EYA1: variants seen among roughly 807,000 people sequenced by gnomAD.
EYA1 encodes the protein EYA transcriptional coactivator and phosphatase 1.
In EYA1, 16 loss-of-function variants were observed where a neutral mutation model predicts 82.0. The observed-to-expected ratio is 0.20, with a 90% CI of 0.13 to 0.30. EYA1 has a LOEUF of 0.30. Among genes scored for constraint, EYA1 ranks in the 10% least tolerant of loss-of-function variants. EYA1 has a pLI of 1.00. For synonymous variants in EYA1, 261 were observed against 264.4 expected, an observed-to-expected ratio of 0.99 and a Z score of 0.12; for missense variants, 633 against 730.7, an observed-to-expected ratio of 0.87 and a Z score of 1.54.
intron 2 of EYA1, among the ~76,000 whole-genome samples, chr8:71,407,873 A>T (rs1050433590): frequency 1.4e-5 from 2 of 145,610 alleles, no homozygotes; most frequent in Non-Finnish European, 3.1e-5. Flanking sequence ...TACAGAGAAC[A>T]CCACAAAGAT....
intron 11 of EYA1, among the ~76,000 whole-genome samples, chr8:71,251,814 C>T (rs929328847): frequency 6.6e-5 from 9 of 135,396 alleles, no homozygotes; most frequent in Admixed American, 3.5e-4. Flanking sequence ...TGGTCCACTA[C>T]CTTGAATTGT....
intron 12 of EYA1, among the ~76,000 whole-genome samples, chr8:71,235,265 C>T (rs1417902725): frequency 4.8e-5 from 7 of 146,726 alleles, no homozygotes; most frequent in South Asian, 2.1e-4. Flanking sequence ...CCAATGGCTT[C>T]GCACTGCAAT....
At chr8:71,307,330 T>C (rs1036541026) in intron 7 of EYA1, among the ~76,000 whole-genome samples, 1 of 152,066 alleles carries the variant, frequency 6.6e-6, no homozygotes, top group Non-Finnish European at 1.5e-5. Context: ...TTAGAGACAA[T>C]GTCTCACTCT....
intron 9 of EYA1, among the ~76,000 whole-genome samples, chr8:71,296,414 T>C (rs1290459589): frequency 6.6e-6 from 1 of 152,142 alleles, no homozygotes; most frequent in African/African-American, 2.4e-5. Context: ...ATTATCTTTA[T>C]ATGTCCATTG....
intron 2 of EYA1, among the ~76,000 whole-genome samples, chr8:71,455,827 T>C (rs889115194): frequency 6.6e-6 from 1 of 152,154 alleles, no homozygotes; most frequent in African/African-American, 2.4e-5. Context: ...ACTGGAAGCA[T>C]TCCCTTTGAA....
intron 2 of EYA1, among the ~76,000 whole-genome samples, chr8:71,396,102 A>G (rs1414005176): frequency 6.6e-6 from 1 of 152,112 alleles, no homozygotes; most frequent in Non-Finnish European, 1.5e-5. Flanking sequence ...GTATTCTCTG[A>G]TGGTAGTTTG....
At position 71,226,801 on chromosome 8, in the gene EYA1, C is replaced by T. The variant is rs138098454; in HGVS notation, c.1141-9778G>A. 2.0e-4 allele frequency among the ~76,000 whole-genome samples: 31 copies of T among 151,338 alleles called. No homozygotes were observed. The East Asian group carries it at 3.7e-3, about 18-fold the overall frequency. ...AATAAATACTATCTCGTACAAGATC[C>T]GTCTTTTATTAAGTTATGTTTTATG... On this transcript the variant is annotated intron_variant, in intron 12 of 17. Transcript: ENST00000340726.
chr8:71,209,699 G>T (rs1323554166), intron 17 of EYA1, among the ~76,000 whole-genome samples: 1 of 152,150 alleles, frequency 6.6e-6, no homozygotes, highest in Non-Finnish European at 1.5e-5. Context: ...ATTCCAGAAG[G>T]GCTGAGATAT....
At chr8:71,220,016 A>T (rs543563344) in intron 12 of EYA1, among the ~76,000 whole-genome samples, 1 of 152,300 alleles carries the variant, frequency 6.6e-6, no homozygotes, top group African/African-American at 2.4e-5. Context: ...TTCAGAGTCC[A>T]TGGCTTAGGC....
At chr8:71,396,891 C>G (rs140763924) in intron 2 of EYA1, among the ~76,000 whole-genome samples, 242 of 152,156 alleles carry the variant, frequency 1.6e-3, no homozygotes, top group African/African-American at 5.6e-3. Flanking sequence ...AGTGTGGTGT[C>G]AAAGTCTCCC....
intron 5 of EYA1, 152 bp from the exon 6 acceptor site, chr8:71,322,031 G>T: frequency 8.8e-7 from 1 of 1,133,318 alleles, no homozygotes; most frequent in Non-Finnish European, 1.3e-6. Flanking sequence ...ATACTTCAGT[G>T]TCTCCACTAC....
At chr8:71,454,152 C>A (rs1385857299) in intron 2 of EYA1, among the ~76,000 whole-genome samples, 1 of 152,062 alleles carries the variant, frequency 6.6e-6, no homozygotes, top group South Asian at 2.1e-4. Context: ...TTTAAACCAA[C>A]AAAGATCAAA....
chr8:71,338,053 T>A (rs575718457), intron 3 of EYA1, among the ~76,000 whole-genome samples: 7 of 152,362 alleles, frequency 4.6e-5, no homozygotes, highest in Middle Eastern at 3.4e-3. Context: ...ATCACTATAG[T>A]GTCTCTTTAC....
intron 3 of EYA1, among the ~76,000 whole-genome samples, chr8:71,338,653 A>C (rs1400123773): frequency 6.6e-6 from 1 of 152,230 alleles, no homozygotes; most frequent in Admixed American, 6.5e-5. Flanking sequence ...TTCAGAAGAA[A>C]CAAATATTTC....
chr8:71,372,495 A>C (rs1243247779), intron 2 of EYA1, among the ~76,000 whole-genome samples: 1 of 152,056 alleles, frequency 6.6e-6, no homozygotes, highest in Non-Finnish European at 1.5e-5. Flanking sequence ...TAGGAAGCAA[A>C]CCTCCTTTAC....
intron 2 of EYA1, among the ~76,000 whole-genome samples, chr8:71,395,633 G>A (rs900768081): frequency 6.6e-6 from 1 of 151,848 alleles, no homozygotes; most frequent in Non-Finnish European, 1.5e-5. Flanking sequence ...TGCATCCCAG[G>A]GATGAAGCCC....
At chr8:71,382,748 C>T (rs542507029) in intron 2 of EYA1, among the ~76,000 whole-genome samples, 1 of 152,068 alleles carries the variant, frequency 6.6e-6, no homozygotes, top group African/African-American at 2.4e-5. Context: ...TGGCAGTCTA[C>T]ACTTTCTAAA....
At chr8:71,294,959 G>A (rs1234225953) in intron 9 of EYA1, among the ~76,000 whole-genome samples, 1 of 152,202 alleles carries the variant, frequency 6.6e-6, no homozygotes, top group Non-Finnish European at 1.5e-5. Flanking sequence ...AGTGGTCTTT[G>A]ACAAAGCAGC....
intron 11 of EYA1, among the ~76,000 whole-genome samples, chr8:71,258,085 A>G (rs370603193): frequency 6.6e-6 from 1 of 152,146 alleles, no homozygotes; most frequent in East Asian, 1.9e-4. Flanking sequence ...TTAGAGTGGC[A>G]TTAGTTTAGA....
Sources: allele counts gnomAD v4.1 joint callset (sites outside exome capture counted in the v4.1 genomes callset), GRCh38; gene constraint gnomAD v4.1.1; transcripts MANE v1.5; gene names NCBI Gene and HGNC (gene_info 2026-07-23, HGNC 2026-07-21).